The following MXD3 variants were observed in gnomAD, a reference collection of about 807,000 sequenced individuals.
MXD3 encodes the protein MAX dimerization protein 3.
In MXD3, 20 loss-of-function variants were observed where a neutral mutation model predicts 27.5. The observed-to-expected ratio is 0.73, with a 90% CI of 0.51 to 1.06. The LOEUF (loss-of-function observed/expected upper bound fraction) is 1.06, where lower values mean the gene tolerates loss of function less well. MXD3 is among the 50% of genes least tolerant of loss of function. The pLI is 0.00. For missense variants in MXD3, 298 were observed against 291.3 expected, an observed-to-expected ratio of 1.02 and a Z score of -0.17; for synonymous variants, 150 against 130.7, an observed-to-expected ratio of 1.15 and a Z score of -1.01.
upstream of MXD3, chr5:177,312,408 C>A: frequency 1.0e-6 from 1 of 984,602 alleles, no homozygotes. Context: ...GCGCTCTGCC[C>A]CGCCCTCTCC....
chr5:177,306,665 C>G (rs1760886317), downstream of MXD3: 1 of 1,488,900 alleles, frequency 6.7e-7, no homozygotes. Flanking sequence ...ACTTCCAGCC[C>G]TGTCTGCTGT....
intron 4 of MXD3, 153 bp from the exon 5 acceptor site, chr5:177,308,117 A>G (rs1433877523): frequency 2.9e-6 from 2 of 689,766 alleles, no homozygotes; most frequent in Admixed American, 3.0e-5. Context: ...TTGCACCCAC[A>G]TCCTCCAGAA....
At chr5:177,305,736 T>C (rs762393894), downstream of MXD3, 2 of 724,004 alleles carry the variant, frequency 2.8e-6, no homozygotes, top group Non-Finnish European at 4.7e-6. Flanking sequence ...TCAGTGCCAC[T>C]TGGAGGTGCA....
At chr5:177,306,679 CG>C, downstream of MXD3, 3 of 1,457,066 alleles carry the variant, frequency 2.1e-6, no homozygotes, top group African/African-American at 2.8e-5. Context: ...CTGCTGTCTA[CG>C]TGGTGGGTTG....
At chr5:177,308,883 C>G (rs1265202200) in intron 4 of MXD3, among the ~76,000 whole-genome samples, 1 of 152,218 alleles carries the variant, frequency 6.6e-6, no homozygotes, top group African/African-American at 2.4e-5. Context: ...CAAGCTCTGC[C>G]AGCCCTGAAG....
At chr5:177,307,168 G>T, downstream of MXD3, 1 of 1,549,310 alleles carries the variant, frequency 6.5e-7, no homozygotes, top group East Asian at 2.4e-5. Flanking sequence ...TCTGTGGTTG[G>T]GAGTTCCCCC....
chr5:177,305,830 A>G (rs771981482), downstream of MXD3: 3 of 1,569,574 alleles, frequency 1.9e-6, no homozygotes, highest in Non-Finnish European at 2.6e-6. Context: ...AAGTTGGCAA[A>G]ATGAAAGACT....
In MXD3 at chr5:177,307,793, C is replaced by T; in HGVS notation, c.493G>A (p.Asp165Asn). The stretch of plus-strand genomic sequence containing the variant: ...TCGGGGCACTCACCTTGGTCTGAGT[C>T]TGAGCGCTCAGAGGAGAGGCCTGAG... ...DSSGLSSERS[D>N]SDQEELEVDV... Residue 165 changes from aspartate to asparagine, a missense_variant, in exon 5 of 6, where the codon GAC becomes AAC. Coordinates refer to ENST00000439742, the MANE Select transcript of MXD3 (RefSeq NM_031300.4). 1 of 1,613,214 alleles carries T rather than the reference C, an allele frequency of 6.2e-7. No homozygotes were observed. The highest frequency in any genetic ancestry group is 8.5e-7 in the Non-Finnish European group (1 of 1,179,800).
chr5:177,307,194 G>A (rs1239130296), downstream of MXD3: 4 of 1,551,382 alleles, frequency 2.6e-6, no homozygotes, highest in African/African-American at 1.4e-5. Flanking sequence ...CATTAGGCAA[G>A]ACTATGGACG....
At position 177,307,639 on chromosome 5, in the gene MXD3, G is replaced by A. The variant is rs533160184; in HGVS notation, c.570C>T (p.Phe190=). The part of the protein sequence containing the change: ...FGGEAELLRG[F]VAGQEHSYSH... ...AGTAGCTGTGCTCCTGGCCGGCGAC[G>A]AAGCCCCGCAGCAGCTCGGCCTCAC... The change falls in exon 6 of 6, where the codon TTC becomes TTT. Residue 190 remains phenylalanine (F), a synonymous_variant. Coordinates refer to ENST00000439742, the MANE Select transcript of MXD3 (RefSeq NM_031300.4). The A allele has an allele frequency of 3.5e-5, 57 of 1,613,372 alleles. No individual in the cohort carries two copies. Among genetic ancestry groups the A allele is most frequent in the Middle Eastern group, 3.3e-4 (2 of 6,062 alleles).
chr5:177,311,971 C>A, upstream of MXD3: 8 of 1,325,734 alleles, frequency 6.0e-6, no homozygotes, highest in Non-Finnish European at 7.8e-6. Flanking sequence ...CGCGGGAACG[C>A]CCAGCCCTTG....
chr5:177,307,998 A>G (rs1317485268), intron 4 of MXD3, 34 bp from the exon 5 acceptor site: 1 of 1,484,266 alleles, frequency 6.7e-7, no homozygotes, highest in East Asian at 2.4e-5. Flanking sequence ...GGCTGGGGTC[A>G]GCGGCGTGGG....
At chr5:177,310,893 T>A in intron 2 of MXD3, 196 bp from the exon 3 acceptor site, 2 of 646,940 alleles carry the variant, frequency 3.1e-6, no homozygotes, top group East Asian at 2.7e-5. Context: ...GCCAAATGCT[T>A]AACAGAAGCC....
At chr5:177,309,030 C>T (rs778470061) in intron 4 of MXD3, among the ~76,000 whole-genome samples, 18 of 152,126 alleles carry the variant, frequency 1.2e-4, no homozygotes, top group African/African-American at 2.7e-4. Context: ...TAAGAGCTGC[C>T]GAGGCAAACA....
At chr5:177,309,214 G>A (rs960959176) in intron 4 of MXD3, among the ~76,000 whole-genome samples, 9 of 152,352 alleles carry the variant, frequency 5.9e-5, no homozygotes, top group African/African-American at 1.9e-4. Flanking sequence ...GCTTTGTCCT[G>A]TCAGGGGCCA....
intron 2 of MXD3, chr5:177,310,912 T>G: frequency 1.6e-6 from 1 of 617,060 alleles, no homozygotes; most frequent in Non-Finnish European, 2.8e-6. Context: ...CCTGCCCAGG[T>G]GGGTATGAGG....
At chr5:177,308,904 T>G (rs1374063998) in intron 4 of MXD3, among the ~76,000 whole-genome samples, 1 of 152,168 alleles carries the variant, frequency 6.6e-6, no homozygotes, top group East Asian at 1.9e-4. Flanking sequence ...TTCCAAGGAC[T>G]GGAAGGCCAA....
intron 1 of MXD3, 59 bp from the exon 2 acceptor site, chr5:177,311,543 C>A (rs941302637): frequency 2.1e-5 from 28 of 1,316,660 alleles, no homozygotes; most frequent in Admixed American, 1.3e-4. Context: ...CCAGCGGCAG[C>A]CCCAGGCACA....
At chr5:177,308,140 T>C in intron 4 of MXD3, 176 bp from the exon 5 acceptor site, 1 of 613,944 alleles carries the variant, frequency 1.6e-6, no homozygotes, top group Non-Finnish European at 2.8e-6. Flanking sequence ...CCAGCCCCTT[T>C]CCGGCCATGC....
Sources: gnomAD v4.1 joint callset for allele counts (sites outside exome capture counted in the v4.1 genomes callset) on GRCh38, gnomAD v4.1.1 for gene constraint, MANE v1.5 for transcripts, NCBI Gene and HGNC (gene_info 2026-07-23, HGNC 2026-07-21) for gene names.